LHFPL3: variants seen among roughly 807,000 people sequenced by gnomAD.
The protein encoded by LHFPL3 is LHFPL tetraspan subfamily member 3 protein.
A neutral mutation model predicts 19.3 loss-of-function variants in LHFPL3; 5 were observed. The ratio of observed to expected loss-of-function variants is 0.26; its 90% CI spans 0.14 to 0.54. The LOEUF (loss-of-function observed/expected upper bound fraction) is 0.54. Among genes scored for constraint, LHFPL3 ranks in the 20% least tolerant of loss-of-function variants. The pLI, the probability that LHFPL3 is intolerant of heterozygous loss-of-function variation, is 0.94. For synonymous variants in LHFPL3, 133 were observed against 126.2 expected (o/e 1.05, Z -0.36); for missense variants, 249 against 307.4 (o/e 0.81, Z 1.42).
In LHFPL3 at chr7:104,408,879, T is replaced by TTTTTTTTTTTG. The variant is rs1334826130; in HGVS notation, c.445+79658_445+79659insTTTTTTTGTTT. Among the ~76,000 whole-genome samples the TTTTTTTTTTTG allele has an allele frequency of 3.4e-5, 5 of 146,354 alleles. No homozygotes were observed. The Admixed American group carries it at 3.4e-4, about 10-fold the overall frequency. ...AATTTTCTTTCTTTTTTTTTTTTTT[T>TTTTTTTTTTTG]TTTGAGACGGAGTCTCGCTCTGTTG... On this transcript the variant is annotated intron_variant, in intron 1 of 2. Coordinates refer to ENST00000424859, the MANE Select transcript of LHFPL3 (RefSeq NM_199000.3).
At chr7:104,397,513 C>A (rs1026436533) in intron 1 of LHFPL3, among the ~76,000 whole-genome samples, 1 of 152,126 alleles carries the variant, frequency 6.6e-6, no homozygotes, top group African/African-American at 2.4e-5. Flanking sequence ...AAACATGTAA[C>A]TGTTGGTCAA....
intron 2 of LHFPL3, among the ~76,000 whole-genome samples, chr7:104,905,184 G>A (rs941032647): frequency 2.6e-5 from 4 of 151,998 alleles, no homozygotes; most frequent in African/African-American, 9.7e-5. Flanking sequence ...TCAAACTTCT[G>A]AGCTCAAAAG....
At chr7:104,499,104 G>A (rs1793549093) in intron 1 of LHFPL3, among the ~76,000 whole-genome samples, 3 of 152,126 alleles carry the variant, frequency 2.0e-5, no homozygotes, top group Admixed American at 1.3e-4. Context: ...CACAGTATAT[G>A]ACTTTTTATT....
At chr7:104,549,214 G>C (rs980432865) in intron 1 of LHFPL3, among the ~76,000 whole-genome samples, 3 of 152,036 alleles carry the variant, frequency 2.0e-5, no homozygotes, top group Non-Finnish European at 4.4e-5. Context: ...GAAGATTCCA[G>C]ACCAGGATAG....
intron 1 of LHFPL3, among the ~76,000 whole-genome samples, chr7:104,655,814 G>A (rs1377283781): frequency 6.6e-6 from 1 of 152,084 alleles, no homozygotes; most frequent in African/African-American, 2.4e-5. Context: ...TTTTTAATTC[G>A]TGAGTTTCTG....
intron 2 of LHFPL3, among the ~76,000 whole-genome samples, chr7:104,754,734 G>A (rs1041666205): frequency 6.6e-6 from 1 of 152,176 alleles, no homozygotes; most frequent in Non-Finnish European, 1.5e-5. Flanking sequence ...AGGAAATAAG[G>A]GTTGGGAAAA....
chr7:104,737,152 C>CT lies in LHFPL3; in HGVS notation c.682+251dup, dbSNP rs5886330. ...TTAGTCCATTATTATTATTTTGATG[C>CT]TTTTTTTTTTCCGGTTTCTTCTTCC... On this transcript the variant is annotated intron_variant, in intron 2 of 2. Coordinates refer to ENST00000424859, the MANE Select transcript of LHFPL3 (RefSeq NM_199000.3). 7.8e-3 allele frequency among the ~76,000 whole-genome samples: 1,180 copies of CT among 150,942 alleles called. 17 individuals are homozygous for CT. Among genetic ancestry groups the CT allele is most frequent in the African/African-American group, 0.027 (1,108 of 41,106 alleles).
intron 1 of LHFPL3, among the ~76,000 whole-genome samples, chr7:104,383,009 G>T (rs552975024): frequency 6.6e-6 from 1 of 152,148 alleles, no homozygotes; most frequent in East Asian, 1.9e-4. Flanking sequence ...AAACTGAGGC[G>T]CCGTGAGGCG....
chr7:104,606,141 G>A (rs779420193), intron 1 of LHFPL3, among the ~76,000 whole-genome samples: 6 of 152,106 alleles, frequency 3.9e-5, no homozygotes, highest in Non-Finnish European at 7.4e-5. Flanking sequence ...GATTACAGGC[G>A]TGAGCCACCA....
At position 104,437,982 on chromosome 7, in the gene LHFPL3, C is replaced by A. The variant is rs114113049; in HGVS notation, c.445+108758C>A. 3.4e-3 allele frequency among the ~76,000 whole-genome samples: 520 copies of A among 152,278 alleles called. 2 individuals are homozygous for A. Among genetic ancestry groups the A allele is most frequent in the African/African-American group, 0.012 (488 of 41,556 alleles). On this transcript the variant is annotated intron_variant, in intron 1 of 2. Transcript: ENST00000424859. ...ATGGTTTGGTCCTTCTGGTGACCAGCCACCATACAGGAGTCCATTAAGAGT... is the reference window on the plus strand; with the variant it reads ...ATGGTTTGGTCCTTCTGGTGACCAGACACCATACAGGAGTCCATTAAGAGT...
intron 2 of LHFPL3, chr7:104,768,710 C>T (rs913725425): frequency 6.6e-6 from 1 of 152,256 alleles, no homozygotes; most frequent in Non-Finnish European, 1.5e-5. Flanking sequence ...CAGAATACCA[C>T]TCCCAGCATC....
chr7:104,471,326 G>T (rs533344919), intron 1 of LHFPL3, among the ~76,000 whole-genome samples: 4 of 152,196 alleles, frequency 2.6e-5, no homozygotes, highest in African/African-American at 4.8e-5. Flanking sequence ...ACAATAGTCA[G>T]TTGTGGGATG....
intron 1 of LHFPL3, among the ~76,000 whole-genome samples, chr7:104,457,621 T>C (rs1215472769): frequency 8.1e-4 from 121 of 149,152 alleles, no homozygotes; most frequent in African/African-American, 2.9e-3. Context: ...GTCCTTTGGG[T>C]ATATACCCAG....
intron 1 of LHFPL3, among the ~76,000 whole-genome samples, chr7:104,420,064 G>T (rs1791695881): frequency 6.6e-6 from 1 of 152,190 alleles, no homozygotes; most frequent in African/African-American, 2.4e-5. Context: ...CCCATGAAGA[G>T]TTCCAGGGGG....
intron 1 of LHFPL3, among the ~76,000 whole-genome samples, chr7:104,608,456 T>C (rs1318916933): frequency 3.3e-5 from 4 of 121,988 alleles, no homozygotes; most frequent in Non-Finnish European, 4.8e-5. Flanking sequence ...CGAGAACACA[T>C]GGACACAGGA....
At chr7:104,352,163 T>TA (rs531724329) in intron 1 of LHFPL3, among the ~76,000 whole-genome samples, 1,403 of 136,470 alleles carry the variant, frequency 0.01, 13 homozygotes, top group South Asian at 0.018. Context: ...AGGCCCTGTA[T>TA]AAAAAAAAAA....
At chr7:104,621,064 C>A (rs1007396254) in intron 1 of LHFPL3, among the ~76,000 whole-genome samples, 4 of 152,188 alleles carry the variant, frequency 2.6e-5, no homozygotes, top group Non-Finnish European at 5.9e-5. Flanking sequence ...ATACCTGGGG[C>A]AAAATGAGAA....
intron 1 of LHFPL3, among the ~76,000 whole-genome samples, chr7:104,705,694 G>A (rs1793178794): frequency 6.6e-6 from 1 of 152,164 alleles, no homozygotes; most frequent in African/African-American, 2.4e-5. Context: ...CCATGAGGTT[G>A]AGCATGAAAA....
intron 1 of LHFPL3, among the ~76,000 whole-genome samples, chr7:104,543,128 G>C (rs189008658): frequency 6.6e-6 from 1 of 152,250 alleles, no homozygotes; most frequent in East Asian, 1.9e-4. Context: ...ACAGGGAGGG[G>C]AACATCACAC....
Sources: allele counts gnomAD v4.1 joint callset (sites outside exome capture counted in the v4.1 genomes callset), GRCh38; gene constraint gnomAD v4.1.1; transcripts MANE v1.5; gene names NCBI Gene and HGNC (gene_info 2026-07-23, HGNC 2026-07-21).